SIRPA: variants seen among roughly 807,000 people sequenced by gnomAD.
SIRPA encodes signal regulatory protein alpha, also known as tyrosine-protein phosphatase non-receptor type substrate 1.
SIRPA carries 9 observed loss-of-function variants against 50.3 expected under a neutral mutation model. That is an observed-to-expected ratio of 0.18 (90% CI 0.11 to 0.31). SIRPA has a LOEUF of 0.31. SIRPA is among the 10% of genes least tolerant of loss of function. The pLI is 1.00. For missense variants in SIRPA, 474 were observed against 661.6 expected, an observed-to-expected ratio of 0.72 and a Z score of 3.11; for synonymous variants, 265 against 284.1, an observed-to-expected ratio of 0.93 and a Z score of 0.68.
In SIRPA at chr20:1,934,877, A is replaced by C; in HGVS notation, c.1266+123A>C. The C allele has an allele frequency of 9.4e-7, 1 of 1,058,740 alleles. No homozygotes were observed. Among genetic ancestry groups the C allele is most frequent in the Non-Finnish European group, 1.5e-6 (1 of 686,312 alleles). 65.6% of individuals were successfully genotyped at this position (1,058,740 alleles called of 1,614,324 possible). A position where few individuals can be genotyped will look rare whatever the true frequency, so the allele number is the denominator to read the frequency against. On this transcript the variant is annotated intron_variant, in intron 7 of 7. Transcript: ENST00000358771. The surrounding 1 kb of genome is among the most constrained non-coding windows in gnomAD (Gnocchi z 4.6). The stretch of plus-strand genomic sequence containing the variant: ...TGTGGGGTGGAGGGTGGAGGATCTT[A>C]CACTCCTAGCTTTCCCCATGTCCTG...
At chr20:1,915,577 T>G in intron 2 of SIRPA, 122 bp downstream of exon 2, 1 of 1,202,456 alleles carries the variant, frequency 8.3e-7, no homozygotes, top group Non-Finnish European at 1.2e-6. Flanking sequence ...AATTGATGTC[T>G]CCCCCTTTTA....
At chr20:1,914,974 A>C (rs1000671410) in intron 1 of SIRPA, 125 bp from the exon 2 acceptor site, 3 of 817,010 alleles carry the variant, frequency 3.7e-6, no homozygotes, top group Non-Finnish European at 2.0e-6. Flanking sequence ...TGATACATGC[A>C]CTATACTGAT....
chr20:1,906,352 C>T lies in SIRPA; in HGVS notation c.80-8747C>T, dbSNP rs531037723. Among the ~76,000 whole-genome samples, 17 of 152,270 alleles carry T rather than the reference C, an allele frequency of 1.1e-4. No individual in the cohort carries two copies. In the East Asian group the frequency reaches 3.3e-3, roughly 29 times the overall value. ...TGAGTCTATGACAGGGAGATGAGCG[C>T]TTTTAAAAAATTAACAAGGAAATGC... On this transcript the variant is annotated intron_variant, in intron 1 of 7. Coordinates refer to ENST00000358771, the MANE Select transcript of SIRPA (RefSeq NM_001040023.2).
chr20:1,899,462 A>G (rs2122965027), intron 1 of SIRPA, among the ~76,000 whole-genome samples: 1 of 152,278 alleles, frequency 6.6e-6, no homozygotes, highest in Non-Finnish European at 1.5e-5. Flanking sequence ...TATGAACGAG[A>G]GGCATTTGAT....
At position 1,932,918 on chromosome 20, in the gene SIRPA, A is replaced by G. The variant is rs1033320538; in HGVS notation, c.1227-1797A>G. Among the ~76,000 whole-genome samples, 1 of 152,252 alleles carries G rather than the reference A, an allele frequency of 6.6e-6. No individual in the cohort carries two copies. Among genetic ancestry groups the G allele is most frequent in the African/African-American group, 2.4e-5 (1 of 41,466 alleles). On this transcript the variant is annotated intron_variant, in intron 6 of 7. Transcript: ENST00000358771. This position sits in a 1 kb window ranked among gnomAD's most constrained non-coding sequence, Gnocchi z 6.0. ...AAATAGGAAAATCCAGGGGAGACAC[A>G]GATATGGGGAAAATGATAATTGGTT...
intron 1 of SIRPA, among the ~76,000 whole-genome samples, chr20:1,900,309 AGGCTGGTCT>A (rs1481168560): frequency 6.6e-6 from 1 of 152,052 alleles, no homozygotes; most frequent in African/African-American, 2.4e-5. Context: ...CGTGTTGGTC[AGGCTGGTCT>A]CGAACTCCTG....
At position 1,921,536 on chromosome 20, in the gene SIRPA, A is replaced by G; in HGVS notation, c.578A>G (p.Asp193Gly). 1 of 1,614,152 alleles carries G rather than the reference A, an allele frequency of 6.2e-7. No homozygotes were observed. The highest frequency in any genetic ancestry group is 8.5e-7 in the Non-Finnish European group (1 of 1,180,032). The change falls in exon 3 of 8, where the codon GAC (aspartate) becomes GGC (glycine). Residue 193 changes from aspartate to glycine, a missense_variant. Asp to Gly is a moderately conservative substitution (Grantham distance 94). This residue lies in a region of SIRPA where 221 missense variants were observed against 359.9 expected (regional missense o/e 0.61). Coordinates refer to ENST00000358771, the MANE Select transcript of SIRPA (RefSeq NM_001040023.2). ...KWFKNGNELSDFQTNVDPVGE... is the reference protein window; with the variant it reads ...KWFKNGNELSGFQTNVDPVGE... The stretch of plus-strand genomic sequence containing the variant: ...TTCAAAAATGGGAATGAGCTCTCAG[A>G]CTTCCAGACCAACGTGGACCCCGTA...
intron 1 of SIRPA, among the ~76,000 whole-genome samples, chr20:1,914,499 A>G (rs1159335791): frequency 6.6e-6 from 1 of 151,664 alleles, no homozygotes; most frequent in East Asian, 1.9e-4. Context: ...ACACTTTGCT[A>G]GCCAGGCTCA....
chr20:1,903,924 C>T (rs1298359076), intron 1 of SIRPA, among the ~76,000 whole-genome samples: 4 of 152,144 alleles, frequency 2.6e-5, no homozygotes, highest in South Asian at 4.1e-4. Context: ...ATAAGCTGCA[C>T]GAGAGATGGG....
chr20:1,917,383 G>A (rs1985367397), intron 2 of SIRPA, among the ~76,000 whole-genome samples: 1 of 152,144 alleles, frequency 6.6e-6, no homozygotes, highest in Admixed American at 6.5e-5. Flanking sequence ...AAAGTGTGGA[G>A]AAATGCTCCA....
At chr20:1,896,918 C>T (rs1983867318) in intron 1 of SIRPA, among the ~76,000 whole-genome samples, 1 of 152,174 alleles carries the variant, frequency 6.6e-6, no homozygotes. Context: ...CATTTGTACC[C>T]TGCAAAAGTC....
intron 1 of SIRPA, among the ~76,000 whole-genome samples, chr20:1,903,299 A>G (rs528935183): frequency 1.3e-5 from 2 of 152,280 alleles, no homozygotes; most frequent in African/African-American, 4.8e-5. Flanking sequence ...TCTCTCATTT[A>G]ATTCTCACCA....
rs1050958141 is a variant in SIRPA at position 1,939,560 on chromosome 20, A to G, written c.*1992A>G. 6.6e-6 allele frequency: 1 copy of G among 152,194 alleles called. No individual in the cohort carries two copies. The highest frequency in any genetic ancestry group is 6.5e-5 in the Admixed American group (1 of 15,278). 9.4% of individuals were successfully genotyped at this position (152,194 alleles called of 1,614,324 possible). A position where few individuals can be genotyped will look rare whatever the true frequency, so the allele number is the denominator to read the frequency against. On this transcript the variant is annotated 3_prime_UTR_variant, in exon 8 of 8. Coordinates refer to ENST00000358771, the MANE Select transcript of SIRPA (RefSeq NM_001040023.2). The surrounding 1 kb of genome is among the most constrained non-coding windows in gnomAD (Gnocchi z 4.7). ...AGACAGCACATACGTGTGCACACGCATGCACACACACATTCAGTATTTTAA... is the reference window on the plus strand; with the variant it reads ...AGACAGCACATACGTGTGCACACGCGTGCACACACACATTCAGTATTTTAA...
chr20:1,908,922 A>G (rs891354846), intron 1 of SIRPA, among the ~76,000 whole-genome samples: 3 of 152,172 alleles, frequency 2.0e-5, no homozygotes, highest in Non-Finnish European at 4.4e-5. Flanking sequence ...TGCTATTGCA[A>G]GGTCCTGTAC....
At chr20:1,914,892 C>T (rs78417105) in intron 1 of SIRPA, among the ~76,000 whole-genome samples, 61,766 of 151,514 alleles carry the variant, frequency 0.41, 12,865 homozygotes, top group East Asian at 0.66. Context: ...TGTCATTTAG[C>T]TTTCTGTGCC....
At chr20:1,910,890 C>T (rs1984849726) in intron 1 of SIRPA, among the ~76,000 whole-genome samples, 1 of 152,192 alleles carries the variant, frequency 6.6e-6, no homozygotes, top group Admixed American at 6.5e-5. Context: ...AAGTCATGAT[C>T]ATACAGAGGG....
At chr20:1,917,805 T>C (rs1172824573) in intron 2 of SIRPA, among the ~76,000 whole-genome samples, 1 of 152,012 alleles carries the variant, frequency 6.6e-6, no homozygotes, top group Admixed American at 6.6e-5. Context: ...GTTTATATTA[T>C]CCCCTCAGGC....
chr20:1,904,727 C>T (rs1188988637), intron 1 of SIRPA, among the ~76,000 whole-genome samples: 1 of 152,192 alleles, frequency 6.6e-6, no homozygotes, highest in East Asian at 1.9e-4. Flanking sequence ...CTGGAACCCA[C>T]TCCTCTGCCC....
Position 1,922,579 on chromosome 20 carries a change from G to T in SIRPA, c.1021G>T (p.Val341Phe), listed in dbSNP as rs1017124411. 1 of 1,614,054 alleles carries T rather than the reference G, an allele frequency of 6.2e-7. No homozygotes were observed. Among genetic ancestry groups the T allele is most frequent in the African/African-American group, 1.3e-5 (1 of 74,950 alleles). The change falls in exon 4 of 8, where the codon GTC becomes TTC. Residue 341 changes from valine to phenylalanine, a missense_variant. Coordinates refer to ENST00000358771, the MANE Select transcript of SIRPA (RefSeq NM_001040023.2). ...CQVEHDGQPA[V>F]SKSHDLKVSA... ...GGTGGAGCATGACGGGCAGCCAGCGGTCAGCAAAAGCCATGACCTGAAGGT... is the reference window on the plus strand; with the variant it reads ...GGTGGAGCATGACGGGCAGCCAGCGTTCAGCAAAAGCCATGACCTGAAGGT...
Sources: gnomAD v4.1 joint callset for allele counts (sites outside exome capture counted in the v4.1 genomes callset) on GRCh38, gnomAD v4.1.1 for gene constraint, gnomAD v4.1.1 regional missense constraint, Gnocchi (gnomAD v3.1) non-coding constraint, MANE v1.5 for transcripts, NCBI Gene and HGNC (gene_info 2026-07-23, HGNC 2026-07-21) for gene names.